NAALADL2: variants seen among roughly 807,000 people sequenced by gnomAD.
NAALADL2 encodes the protein N-acetylated alpha-linked acidic dipeptidase like 2.
In NAALADL2, 76 loss-of-function variants were observed where a neutral mutation model predicts 87.2. That is an observed-to-expected ratio of 0.87 (90% CI 0.72 to 1.05). The LOEUF (loss-of-function observed/expected upper bound fraction) is 1.05. Among genes scored for constraint, NAALADL2 ranks in the 50% least tolerant of loss-of-function variants. NAALADL2 has a pLI of 0.00. For missense variants in NAALADL2, 1,089 were observed against 945.8 expected (o/e 1.15, Z -1.99); for synonymous variants, 354 against 331.0 (o/e 1.07, Z -0.75).
intron 2 of NAALADL2, among the ~76,000 whole-genome samples, chr3:174,683,995 A>C (rs475170): frequency 6.6e-6 from 1 of 151,600 alleles, no homozygotes; most frequent in Admixed American, 6.6e-5. Context: ...TTTTCTATGC[A>C]TCACATTTAG....
chr3:174,977,938 T>C (rs1035066071), intron 1 of NAALADL2, among the ~76,000 whole-genome samples: 1 of 152,248 alleles, frequency 6.6e-6, no homozygotes, highest in Non-Finnish European at 1.5e-5. Flanking sequence ...TTATAATATA[T>C]GTTCAAAATG....
chr3:175,287,639 A>G (rs1240215218), intron 4 of NAALADL2, among the ~76,000 whole-genome samples: 1 of 152,140 alleles, frequency 6.6e-6, no homozygotes, highest in Non-Finnish European at 1.5e-5. Flanking sequence ...GCTTTTTCCA[A>G]GTTTATTGTT....
At chr3:175,341,058 T>C (rs1367743737) in intron 5 of NAALADL2, among the ~76,000 whole-genome samples, 1 of 151,964 alleles carries the variant, frequency 6.6e-6, no homozygotes, top group Non-Finnish European at 1.5e-5. Flanking sequence ...TTAAATACTG[T>C]TTTTTGTAGC....
chr3:175,295,200 C>T (rs7612201), intron 4 of NAALADL2, among the ~76,000 whole-genome samples: 67,981 of 151,848 alleles, frequency 0.45, 16,197 homozygotes, highest in Non-Finnish European at 0.52. Context: ...TATGTGCAGG[C>T]CCTGTATGTT....
chr3:174,657,030 T>C (rs973923239), intron 2 of NAALADL2, among the ~76,000 whole-genome samples: 2 of 149,970 alleles, frequency 1.3e-5, no homozygotes, highest in Admixed American at 1.3e-4. Context: ...TCTCTTTTTC[T>C]TTTCCTTCTT....
intron 5 of NAALADL2, among the ~76,000 whole-genome samples, chr3:175,439,993 G>C (rs552127680): frequency 3.3e-5 from 5 of 151,952 alleles, no homozygotes; most frequent in Non-Finnish European, 7.4e-5. Flanking sequence ...TTTTCCCAAC[G>C]TTATCTTCTA....
chr3:175,612,602 T>C (rs959529930), intron 10 of NAALADL2, among the ~76,000 whole-genome samples: 1 of 152,162 alleles, frequency 6.6e-6, no homozygotes, highest in Admixed American at 6.5e-5. Flanking sequence ...CTTTCAGAGT[T>C]GATTAAATAC....
chr3:175,779,429 T>C (rs1190860832), intron 13 of NAALADL2, among the ~76,000 whole-genome samples: 1 of 152,216 alleles, frequency 6.6e-6, no homozygotes, highest in Non-Finnish European at 1.5e-5. Flanking sequence ...GTTATTGATA[T>C]TACTTTTTAG....
intron 2 of NAALADL2, among the ~76,000 whole-genome samples, chr3:174,564,835 A>G (rs1171957038): frequency 1.3e-5 from 2 of 151,822 alleles, no homozygotes; most frequent in Non-Finnish European, 2.9e-5. Context: ...TTTGCTTTAT[A>G]TATCTTTTTT....
chr3:174,591,890 TTTTG>T (rs1234881221), intron 2 of NAALADL2, among the ~76,000 whole-genome samples: 7 of 152,102 alleles, frequency 4.6e-5, no homozygotes, highest in South Asian at 2.1e-4. Context: ...TTAGTAAGGT[TTTTG>T]TTTGTTTGTT....
At chr3:175,463,339 A>G in intron 6 of NAALADL2, 62 bp from the exon 7 acceptor site, 1 of 1,041,702 alleles carries the variant, frequency 9.6e-7, no homozygotes, top group Non-Finnish European at 1.4e-6. Context: ...AATAAATTTT[A>G]AGGTTTAAAA....
intron 11 of NAALADL2, among the ~76,000 whole-genome samples, chr3:175,687,031 G>A (rs1736392137): frequency 6.6e-6 from 1 of 152,108 alleles, no homozygotes; most frequent in Admixed American, 6.6e-5. Flanking sequence ...AAAGTTATGA[G>A]GGGGCAGAGC....
chr3:175,633,320 A>G (rs892598409), intron 11 of NAALADL2, among the ~76,000 whole-genome samples: 3 of 151,974 alleles, frequency 2.0e-5, no homozygotes, highest in Admixed American at 1.3e-4. Context: ...AATATCCTGT[A>G]TTTATTTTAT....
chr3:174,556,008 T>TGTGTGC (rs1491448551), intron 2 of NAALADL2, among the ~76,000 whole-genome samples: 7 of 94,516 alleles, frequency 7.4e-5, no homozygotes, highest in African/African-American at 2.0e-4. Flanking sequence ...TGTGTGTGTG[T>TGTGTGC]GCGCGCACGT....
chr3:174,710,359 A>T (rs1483914336), intron 2 of NAALADL2, among the ~76,000 whole-genome samples: 1 of 149,104 alleles, frequency 6.7e-6, no homozygotes, highest in African/African-American at 2.5e-5. Flanking sequence ...GGTTCATGCC[A>T]TTCTCCTCTC....
At chr3:174,703,569 A>G (rs1436205515) in intron 2 of NAALADL2, among the ~76,000 whole-genome samples, 2 of 152,112 alleles carry the variant, frequency 1.3e-5, no homozygotes, top group African/African-American at 4.8e-5. Context: ...TGCCTCTGAA[A>G]GACTTATTAG....
intron 2 of NAALADL2, among the ~76,000 whole-genome samples, chr3:174,727,234 T>C (rs1004717660): frequency 7.1e-6 from 1 of 141,822 alleles, no homozygotes; most frequent in African/African-American, 2.7e-5. Flanking sequence ...AATTTTTCGA[T>C]CACCTGCATA....
chr3:174,979,588 A>G (rs1380020790), intron 1 of NAALADL2, among the ~76,000 whole-genome samples: 1 of 152,012 alleles, frequency 6.6e-6, no homozygotes, highest in Non-Finnish European at 1.5e-5. Flanking sequence ...TACAGGCGTG[A>G]ACCACCACAC....
At chr3:175,759,972 T>C (rs930768516) in intron 13 of NAALADL2, among the ~76,000 whole-genome samples, 2 of 152,114 alleles carry the variant, frequency 1.3e-5, no homozygotes, top group African/African-American at 2.4e-5. Flanking sequence ...TATCTAGTGC[T>C]CCTGAGAGGG....
Sources: gnomAD v4.1 joint callset for allele counts (sites outside exome capture counted in the v4.1 genomes callset) on GRCh38, gnomAD v4.1.1 for gene constraint, MANE v1.5 for transcripts, NCBI Gene and HGNC (gene_info 2026-07-23, HGNC 2026-07-21) for gene names.